The following ATRX variants were observed in gnomAD, a reference collection of about 807,000 sequenced individuals.
ATRX encodes ATRX chromatin remodeler, also known as chromatin remodeler ATRX.
In ATRX, 12 loss-of-function variants were observed where a neutral mutation model predicts 172.6. The ratio of observed to expected loss-of-function variants is 0.07; its 90% confidence interval spans 0.04 to 0.11. The LOEUF (loss-of-function observed/expected upper bound fraction) is 0.11. Among genes scored for constraint, ATRX ranks in the 10% least tolerant of loss-of-function variants. The probability of loss-of-function intolerance (pLI) is 1.00; values close to 1 mark genes in which losing one functional copy is unlikely to be tolerated. For synonymous variants in ATRX, 674 were observed against 594.7 expected (o/e 1.13, Z -1.94); for missense variants, 1,368 against 1,767.4 (o/e 0.77, Z 4.05).
At chrX:77,729,934 C>A (rs182375555) in intron 1 of ATRX, among the ~76,000 whole-genome samples, 1 of 111,420 alleles carries the variant, frequency 9.0e-6, no homozygotes, top group Non-Finnish European at 1.9e-5. Flanking sequence ...AAGACCGTCT[C>A]GGAAAAATAA....
chrX:77,664,128 A>T (rs184444181), intron 11 of ATRX, among the ~76,000 whole-genome samples: 1 of 111,616 alleles, frequency 9.0e-6, no homozygotes, highest in East Asian at 2.8e-4. Flanking sequence ...TCATCTGTTT[A>T]TTGGCAGTAA....
chrX:77,561,227 T>C (rs1254830307), intron 28 of ATRX, among the ~76,000 whole-genome samples: 1 of 109,028 alleles, frequency 9.2e-6, no homozygotes, highest in Non-Finnish European at 1.9e-5. Context: ...TTAATATCTA[T>C]CCCACATAAG....
At chrX:77,711,834 C>CA (rs1182806450) in intron 2 of ATRX, among the ~76,000 whole-genome samples, 4 of 111,376 alleles carry the variant, frequency 3.6e-5, no homozygotes, top group Non-Finnish European at 7.6e-5. Context: ...GAACCTGTCT[C>CA]AAAAAAAACC....
intron 22 of ATRX, among the ~76,000 whole-genome samples, chrX:77,614,933 T>A (rs1557095917): frequency 9.0e-6 from 1 of 111,499 alleles, no homozygotes; most frequent in Non-Finnish European, 1.9e-5. Flanking sequence ...CTCCATGAGG[T>A]CAACTCAAAA....
At chrX:77,615,728 T>C (rs1271010886) in intron 22 of ATRX, among the ~76,000 whole-genome samples, 1 of 111,483 alleles carries the variant, frequency 9.0e-6, no homozygotes, top group African/African-American at 3.3e-5. Context: ...AACCATCATA[T>C]TTTACTCTCT....
At chrX:77,533,832 C>T (rs1422741519) in intron 30 of ATRX, among the ~76,000 whole-genome samples, 1 of 112,083 alleles carries the variant, frequency 8.9e-6, no homozygotes, top group Non-Finnish European at 1.9e-5. Context: ...ATACTCTTAT[C>T]TCTTAATACC....
In ATRX at chrX:77,664,638, A is replaced by T. The variant is rs2148496141; in HGVS notation, c.3943+7T>A. The stretch of plus-strand genomic sequence containing the variant: ...TGACATTATAAACTTCTCTCTGGGG[A>T]GCTCACCCTCATCTCCTGGGTTTTC... On this transcript the variant is annotated splice_region_variant and intron_variant, in intron 11 of 34. Coordinates refer to ENST00000373344, the MANE Select transcript of ATRX (RefSeq NM_000489.6). 8.3e-7 allele frequency: 1 copy of T among 1,210,327 alleles called. No homozygotes were observed. The highest frequency in any genetic ancestry group is 1.7e-5 in the African/African-American group (1 of 57,688).
chrX:77,695,936 C>T (rs964267970), intron 5 of ATRX, among the ~76,000 whole-genome samples: 1 of 111,576 alleles, frequency 9.0e-6, no homozygotes, highest in African/African-American at 3.2e-5. Flanking sequence ...GAACCAAGTT[C>T]CCTGTCATTC....
intron 1 of ATRX, among the ~76,000 whole-genome samples, chrX:77,755,058 T>C (rs782001970): frequency 8.9e-6 from 1 of 112,656 alleles, no homozygotes; most frequent in East Asian, 2.8e-4. Context: ...TCTCTAATCT[T>C]GTCTTCATGC....
chrX:77,707,114 G>A (rs546828905), intron 2 of ATRX, among the ~76,000 whole-genome samples: 47 of 112,336 alleles, frequency 4.2e-4, no homozygotes, highest in African/African-American at 1.5e-3. Context: ...AAATATGTCA[G>A]AAGGACAAAT....
At chrX:77,643,097 T>C (rs2068736035) in intron 15 of ATRX, among the ~76,000 whole-genome samples, 1 of 112,127 alleles carries the variant, frequency 8.9e-6, no homozygotes, top group East Asian at 2.8e-4. Context: ...TGTTTCCCAG[T>C]ATCCTCCCAC....
intron 28 of ATRX, among the ~76,000 whole-genome samples, chrX:77,560,630 T>A (rs1424632381): frequency 1.8e-5 from 2 of 111,488 alleles, no homozygotes; most frequent in Non-Finnish European, 3.8e-5. Context: ...CCATACTAAT[T>A]ACATTTATAG....
Position 77,507,431 on chromosome X carries a change from C to T in ATRX, c.*920G>A, listed in dbSNP as rs2062736009. 5.8e-6 allele frequency: 1 copy of T among 172,581 alleles called. No individual in the cohort carries two copies. The highest frequency in any genetic ancestry group is 3.0e-5 in the African/African-American group (1 of 33,851). 14.2% of individuals were successfully genotyped at this position (172,581 alleles called of 1,213,427 possible). On this transcript the variant is annotated 3_prime_UTR_variant, in exon 35 of 35. Transcript: ENST00000373344. ...GGTGTGAACCTAACAACCACAACTT[C>T]AGTGTTAACCTACTAAAATGCTAGA...
intron 16 of ATRX, 49 bp downstream of exon 16, chrX:77,635,866 T>C (rs1378483067): frequency 8.9e-6 from 10 of 1,129,815 alleles, no homozygotes; most frequent in East Asian, 3.1e-5. Context: ...CACCCAAATA[T>C]TGGTAAAAAT....
intron 27 of ATRX, among the ~76,000 whole-genome samples, chrX:77,576,012 G>GTGGTAA (rs782277343): frequency 9.0e-5 from 10 of 111,280 alleles, no homozygotes; most frequent in Non-Finnish European, 1.3e-4. Flanking sequence ...TCAATACACA[G>GTGGTAA]TGGTAATGGT....
chrX:77,710,189 C>T (rs1196140715), intron 2 of ATRX, among the ~76,000 whole-genome samples: 1 of 109,409 alleles, frequency 9.1e-6, no homozygotes, highest in Non-Finnish European at 1.9e-5. Flanking sequence ...ATCCCAGCTA[C>T]TCCGGAGGCT....
At chrX:77,784,140 G>A (rs1329320185) in intron 1 of ATRX, among the ~76,000 whole-genome samples, 1 of 111,977 alleles carries the variant, frequency 8.9e-6, no homozygotes, top group African/African-American at 3.2e-5. Context: ...AGTCAAGATG[G>A]GGTTCAATTC....
intron 15 of ATRX, among the ~76,000 whole-genome samples, chrX:77,638,421 C>T (rs1177105802): frequency 8.9e-6 from 1 of 112,592 alleles, no homozygotes; most frequent in Non-Finnish European, 1.9e-5. Flanking sequence ...TGCGGAGAGC[C>T]GTGATTGCGC....
chrX:77,571,810 T>A (rs782004962), intron 28 of ATRX, among the ~76,000 whole-genome samples: 1 of 111,374 alleles, frequency 9.0e-6, no homozygotes, highest in Non-Finnish European at 1.9e-5. Context: ...CATTTCTAAA[T>A]TAAAAGAGAA....
Sources: gnomAD v4.1 joint callset for allele counts (sites outside exome capture counted in the v4.1 genomes callset) on GRCh38, gnomAD v4.1.1 for gene constraint, MANE v1.5 for transcripts, NCBI Gene and HGNC (gene_info 2026-07-23, HGNC 2026-07-21) for gene names.